The following TAFA4 variants were observed in gnomAD, a reference collection of about 807,000 sequenced individuals.
TAFA4 encodes chemokine-like protein TAFA-4.
A neutral mutation model predicts 21.1 loss-of-function variants in TAFA4; 20 were observed. The observed-to-expected ratio is 0.95, with a 90% CI of 0.67 to 1.38. TAFA4 has a LOEUF of 1.38. Ranked by LOEUF, TAFA4 falls within the 40% of genes most tolerant of loss-of-function variation. TAFA4 has a pLI of 0.00. For missense variants in TAFA4, 211 were observed against 180.9 expected (o/e 1.17, Z -0.95); for synonymous variants, 71 against 67.4 (o/e 1.05, Z -0.26).
At chr3:68,851,864 G>A (rs1051659700) in intron 3 of TAFA4, among the ~76,000 whole-genome samples, 3 of 152,140 alleles carry the variant, frequency 2.0e-5, no homozygotes, top group African/African-American at 7.2e-5. Flanking sequence ...ACGAACTGTG[G>A]AGACAATATT....
chr3:68,739,041 T>G, intron 5 of TAFA4, 34 bp downstream of exon 5: 4 of 1,610,432 alleles, frequency 2.5e-6, no homozygotes, highest in Non-Finnish European at 3.4e-6. Context: ...AGTTGATAAC[T>G]TGTAAATTGT....
At chr3:68,857,307 C>A (rs575500341) in intron 3 of TAFA4, among the ~76,000 whole-genome samples, 42 of 152,272 alleles carry the variant, frequency 2.8e-4, no homozygotes, top group African/African-American at 9.9e-4. Flanking sequence ...TAATAAGGGA[C>A]TATCATGGCC....
chr3:68,755,079 C>G (rs977157726), intron 3 of TAFA4, among the ~76,000 whole-genome samples: 3 of 152,138 alleles, frequency 2.0e-5, no homozygotes, highest in African/African-American at 7.2e-5. Context: ...GCAAATAGGT[C>G]AAGGAAGTAT....
chr3:68,785,638 C>T (rs1454385434), intron 3 of TAFA4, among the ~76,000 whole-genome samples: 4 of 152,364 alleles, frequency 2.6e-5, no homozygotes, highest in South Asian at 2.1e-4. Context: ...GGTTCCCGTC[C>T]GCACCTCTCC....
chr3:68,834,989 T>C (rs1425665340), intron 3 of TAFA4, among the ~76,000 whole-genome samples: 1 of 152,160 alleles, frequency 6.6e-6, no homozygotes, highest in Non-Finnish European at 1.5e-5. Context: ...CTACTCAGGA[T>C]AGAAGCCAAA....
chr3:68,840,058 A>G (rs898845153), intron 3 of TAFA4, among the ~76,000 whole-genome samples: 3 of 152,188 alleles, frequency 2.0e-5, no homozygotes, highest in Admixed American at 6.5e-5. Context: ...CTTCTCTCCA[A>G]AGAGATGCCT....
intron 3 of TAFA4, among the ~76,000 whole-genome samples, chr3:68,794,524 G>C (rs1473005441): frequency 3.9e-5 from 6 of 152,102 alleles, no homozygotes; most frequent in Admixed American, 3.3e-4. Flanking sequence ...CAGCTGCTCA[G>C]CTCTCCCCTC....
chr3:68,835,198 A>T (rs2106884733), intron 3 of TAFA4, among the ~76,000 whole-genome samples: 1 of 152,162 alleles, frequency 6.6e-6, no homozygotes, highest in South Asian at 2.1e-4. Context: ...TTCCCTGGTG[A>T]CCTTATTTGA....
chr3:68,812,841 G>A (rs1559529637), intron 3 of TAFA4, among the ~76,000 whole-genome samples: 1 of 152,140 alleles, frequency 6.6e-6, no homozygotes, highest in Non-Finnish European at 1.5e-5. Context: ...GACGTCTACA[G>A]AACTCTCCAC....
intron 1 of TAFA4, among the ~76,000 whole-genome samples, chr3:68,906,011 T>G (rs1337817787): frequency 6.6e-6 from 1 of 152,144 alleles, no homozygotes; most frequent in African/African-American, 2.4e-5. Context: ...CCAGGGCATT[T>G]GGGAAAGGTA....
chr3:68,786,089 A>G (rs952909752), intron 3 of TAFA4, among the ~76,000 whole-genome samples: 2 of 152,204 alleles, frequency 1.3e-5, no homozygotes, highest in Non-Finnish European at 2.9e-5. Flanking sequence ...ATGGCTTGAT[A>G]TCTAGAATTA....
chr3:68,748,783 A>C (rs1231515611), intron 4 of TAFA4, among the ~76,000 whole-genome samples: 7 of 152,188 alleles, frequency 4.6e-5, no homozygotes, highest in Admixed American at 6.5e-5. Flanking sequence ...GGGGCATCAA[A>C]AAATTTTTTA....
At chr3:68,866,277 T>C (rs994518035) in intron 3 of TAFA4, among the ~76,000 whole-genome samples, 4 of 152,018 alleles carry the variant, frequency 2.6e-5, no homozygotes, top group African/African-American at 4.8e-5. Context: ...TGGCAGGATA[T>C]TCCCATTGGG....
intron 4 of TAFA4, among the ~76,000 whole-genome samples, chr3:68,744,817 A>T (rs188178049): frequency 2.0e-5 from 3 of 152,320 alleles, no homozygotes; most frequent in Admixed American, 2.0e-4. Flanking sequence ...TTATGAGATT[A>T]TCTACCAGGT....
Position 68,870,989 on chromosome 3 carries a change from G to A in TAFA4, c.130+9741C>T, listed in dbSNP as rs555883921. 9.2e-5 allele frequency among the ~76,000 whole-genome samples: 14 copies of A among 152,226 alleles called. 1 individual carries two copies. In the South Asian group the frequency reaches 2.9e-3, roughly 32 times the overall value. Reference sequence around the variant, plus strand: ...TTTCTTTATCCAGTCTATCACTGATGGGTATTTGGGTTGGTTCCAAAATCT... The same window carrying A: ...TTTCTTTATCCAGTCTATCACTGATAGGTATTTGGGTTGGTTCCAAAATCT... On this transcript the variant is annotated intron_variant, in intron 3 of 5. Coordinates refer to ENST00000295569, the MANE Select transcript of TAFA4 (RefSeq NM_182522.5).
intron 3 of TAFA4, among the ~76,000 whole-genome samples, chr3:68,855,057 T>C (rs1313621213): frequency 1.3e-5 from 2 of 152,032 alleles, no homozygotes; most frequent in African/African-American, 2.4e-5. Flanking sequence ...ACAATGACAA[T>C]GATAAGTAAC....
At chr3:68,868,519 A>C (rs1034102604) in intron 3 of TAFA4, among the ~76,000 whole-genome samples, 2 of 152,084 alleles carry the variant, frequency 1.3e-5, no homozygotes, top group African/African-American at 4.8e-5. Context: ...AAGTCTCAAC[A>C]AATTCAAAAA....
chr3:68,779,331 A>C (rs921162905), intron 3 of TAFA4, among the ~76,000 whole-genome samples: 9 of 152,178 alleles, frequency 5.9e-5, no homozygotes. Flanking sequence ...CTGAGGAAAA[A>C]TTCAAGCCAG....
intron 3 of TAFA4, among the ~76,000 whole-genome samples, chr3:68,756,604 C>T (rs76827615): frequency 0.024 from 3,693 of 152,212 alleles, 155 homozygotes; most frequent in African/African-American, 0.085. Context: ...TCTTCAACGT[C>T]GATGGCAAGA....
Sources: allele counts gnomAD v4.1 joint callset (sites outside exome capture counted in the v4.1 genomes callset), GRCh38; gene constraint gnomAD v4.1.1; transcripts MANE v1.5; gene names NCBI Gene and HGNC (gene_info 2026-07-23, HGNC 2026-07-21).